CLN6: variants seen among roughly 807,000 people sequenced by gnomAD.
CLN6 encodes the protein CLN6 transmembrane ER protein, also known as ceroid-lipofuscinosis neuronal protein 6.
A neutral mutation model predicts 33.3 loss-of-function variants in CLN6; 22 were observed. The observed-to-expected ratio is 0.66, with a 90% CI of 0.47 to 0.94. The LOEUF is 0.94. Among genes scored for constraint, CLN6 ranks in the 40% least tolerant of loss-of-function variants. CLN6 has a pLI of 0.00. For missense variants in CLN6, 387 were observed against 417.1 expected (o/e 0.93, Z 0.63); for synonymous variants, 201 against 174.6 (o/e 1.15, Z -1.19).
intron 1 of CLN6, among the ~76,000 whole-genome samples, chr15:68,249,199 G>A (rs1892354345): frequency 1.3e-5 from 2 of 152,182 alleles, no homozygotes; most frequent in African/African-American, 4.8e-5. Flanking sequence ...GTGGAGAAAG[G>A]GGAACTCTCA....
chr15:68,211,589 G>A lies in CLN6; in HGVS notation c.486+86C>T, dbSNP rs1184592780. 19 of 1,603,032 alleles carry A rather than the reference G, an allele frequency of 1.2e-5. No individual in the cohort carries two copies. Among genetic ancestry groups the A allele is most frequent in the Middle Eastern group, 1.6e-4 (1 of 6,082 alleles). The stretch of plus-strand genomic sequence containing the variant: ...ATGCCTTTGGTGAAAGGACAGGTGC[G>A]GCGAGGGGTGGGGGCCATTTCTTCA... On this transcript the variant is annotated intron_variant, in intron 4 of 6. Transcript: ENST00000249806. The surrounding 1 kb of genome is among the most constrained non-coding windows in gnomAD (Gnocchi z 5.9).
At position 68,214,307 on chromosome 15, in the gene CLN6, G is replaced by A. The variant is rs1480231606; in HGVS notation, c.280C>T (p.Pro94Ser). 1.2e-6 allele frequency: 2 copies of A among 1,613,592 alleles called. No individual in the cohort carries two copies. Among genetic ancestry groups the A allele is most frequent in the Non-Finnish European group, 1.7e-6 (2 of 1,179,494 alleles). Residue 94 changes from proline (P) to serine (S), a missense_variant, in exon 3 of 7, where the codon CCC (proline) becomes TCC (serine). Physicochemically the swap from Pro to Ser is moderately conservative, Grantham distance 74 (BLOSUM62 -1). Transcript: ENST00000249806. ...GACAGTACCTTGAGCAAGAGAAAGG[G>A]CGTGATGACGTTGTAGGCCATGTGG... ...YFHMAYNVIT[P>S]FLLLKLIERS...
chr15:68,231,475 C>T (rs1055375433), upstream of CLN6, among the ~76,000 whole-genome samples: 1 of 152,242 alleles, frequency 6.6e-6, no homozygotes, highest in Non-Finnish European at 1.5e-5. Context: ...TGAATCTGAT[C>T]TACACATCGA....
Position 68,214,284 on chromosome 15 carries a change from C to T in CLN6, c.297+6G>A. 2.5e-6 allele frequency: 4 copies of T among 1,606,332 alleles called. No homozygotes were observed. Among genetic ancestry groups the T allele is most frequent in the Non-Finnish European group, 3.4e-6 (4 of 1,173,010 alleles). On this transcript the variant is annotated splice_donor_region_variant and intron_variant, in intron 3 of 6. Coordinates refer to ENST00000249806, the MANE Select transcript of CLN6 (RefSeq NM_017882.3). ...ACAGGAGAGAGTGGGGGCCCTGGGA[C>T]AGTACCTTGAGCAAGAGAAAGGGCG...
rs1892225385 is a variant in CLN6, at chr15:68,236,994, A to G, written c.180-18344T>C. On this transcript the variant is annotated intron_variant, in intron 1 of 6. Coordinates refer to the CLN6 transcript ENST00000538696. This position sits in a 1 kb window ranked among gnomAD's most constrained non-coding sequence, Gnocchi z 4.5. ...AACAAGGTGAAACCCCGTCTCTACT[A>G]AAAATACAAAAAATTAGCCGGGCGC... Among the ~76,000 whole-genome samples the G allele has an allele frequency of 6.6e-6, 1 of 150,676 alleles. No homozygotes were observed. The highest frequency in any genetic ancestry group is 1.5e-5 in the Non-Finnish European group (1 of 67,732).
upstream of CLN6, chr15:68,229,786 G>GGGCGGAGCGGAGGGAGGCGT: frequency 2.8e-6 from 1 of 356,162 alleles, no homozygotes; most frequent in Non-Finnish European, 4.9e-6. Context: ...GAGGGAGGCG[G>GGGCGGAGCGGAGGGAGGCGT]GGCGGAGGGA....
rs1299354331 is a variant in CLN6, at chr15:68,229,508, T to C, written c.77A>G (p.Gln26Arg). 6.8e-7 allele frequency: 1 copy of C among 1,466,152 alleles called. No individual in the cohort carries two copies. Among genetic ancestry groups the C allele is most frequent in the Non-Finnish European group, 9.0e-7 (1 of 1,113,834 alleles). 90.8% of individuals were successfully genotyped at this position (1,466,152 alleles called of 1,614,324 possible). A position where few individuals can be genotyped will look rare whatever the true frequency, so the allele number is the denominator to read the frequency against. Residue 26 changes from glutamine (Q) to arginine (R), a missense_variant, in exon 1 of 7, where the codon CAG becomes CGG. By Grantham distance (43) the Gln-to-Arg change is conservative (BLOSUM62 1). Coordinates refer to ENST00000249806, the MANE Select transcript of CLN6 (RefSeq NM_017882.3). ...CACCCCGGCGCGCGCCCACCTGGCCTGCAGGAAGGAGGCGCCCAGCTGCGC... is the reference window on the plus strand; with the variant it reads ...CACCCCGGCGCGCGCCCACCTGGCCCGCAGGAAGGAGGCGCCCAGCTGCGC... ...PGAQLGASFL[Q>R]ARHGSVSADE...
intron 2 of CLN6, among the ~76,000 whole-genome samples, chr15:68,217,721 C>G (rs2093224291): frequency 6.6e-6 from 1 of 152,146 alleles, no homozygotes; most frequent in African/African-American, 2.4e-5. Flanking sequence ...TGTGGCCCGT[C>G]AGGCAACTGT....
At chr15:68,216,084 C>G (rs956129708) in intron 2 of CLN6, among the ~76,000 whole-genome samples, 1 of 152,228 alleles carries the variant, frequency 6.6e-6, no homozygotes, top group Admixed American at 6.5e-5. Flanking sequence ...CCAAGTCCTA[C>G]TTAGGGTTAC....
intron 1 of CLN6, among the ~76,000 whole-genome samples, chr15:68,252,878 T>A (rs949308077): frequency 3.3e-5 from 5 of 152,210 alleles, no homozygotes; most frequent in African/African-American, 9.6e-5. Context: ...TACATATTTT[T>A]AAAAATCAAG....
chr15:68,234,368 T>C (rs1892196896), upstream of CLN6, among the ~76,000 whole-genome samples: 1 of 152,220 alleles, frequency 6.6e-6, no homozygotes, highest in Admixed American at 6.5e-5. The surrounding 1 kb of genome is among the most constrained non-coding windows in gnomAD (Gnocchi z 4.1). Flanking sequence ...CTTGAGCCAG[T>C]GCCCACCCTG....
At position 68,209,520 on chromosome 15, in the gene CLN6, C is replaced by T; in HGVS notation, c.665+117G>A. ...CACTAGACACAAGAAGAAGCACGGGCCCAAAGAGGGCCAGTCTCCCTGGGG... is the reference window on the plus strand; with the variant it reads ...CACTAGACACAAGAAGAAGCACGGGTCCAAAGAGGGCCAGTCTCCCTGGGG... On this transcript the variant is annotated intron_variant, in intron 6 of 6. Coordinates refer to ENST00000249806, the MANE Select transcript of CLN6 (RefSeq NM_017882.3). The surrounding 1 kb of genome is among the most constrained non-coding windows in gnomAD (Gnocchi z 4.9). 7.1e-7 allele frequency: 1 copy of T among 1,416,596 alleles called. No individual in the cohort carries two copies. Among genetic ancestry groups the T allele is most frequent in the Non-Finnish European group, 9.8e-7 (1 of 1,017,696 alleles). 87.8% of individuals were successfully genotyped at this position (1,416,596 alleles called of 1,614,324 possible). A position where few individuals can be genotyped will look rare whatever the true frequency, so the allele number is the denominator to read the frequency against.
chr15:68,211,667 G>A lies in CLN6; in HGVS notation c.486+8C>T, dbSNP rs149692285. ...GGCTTACAGGCAGGGAGCAGGAGGT[G>A]GCCTCACCAGCGTCTCCGGCTTGAG... On this transcript the variant is annotated splice_region_variant and intron_variant, in intron 4 of 6. Transcript: ENST00000249806. This position sits in a 1 kb window ranked among gnomAD's most constrained non-coding sequence, Gnocchi z 5.9. 0.015 allele frequency: 24,202 copies of A among 1,613,206 alleles called. 204 individuals are homozygous for A. Among genetic ancestry groups the A allele is most frequent in the Non-Finnish European group, 0.017 (20,314 of 1,179,990 alleles).
At chr15:68,253,165 A>G (rs145925517) in intron 1 of CLN6, among the ~76,000 whole-genome samples, 13 of 152,352 alleles carry the variant, frequency 8.5e-5, no homozygotes, top group South Asian at 2.1e-4. Flanking sequence ...GTGTAAATGG[A>G]CATGTACCTA....
chr15:68,238,634 T>C (rs1892250648), intron 1 of CLN6, among the ~76,000 whole-genome samples: 1 of 152,158 alleles, frequency 6.6e-6, no homozygotes, highest in South Asian at 2.1e-4. Context: ...CTTTCAAAAA[T>C]GCATGTAAAA....
intron 1 of CLN6, among the ~76,000 whole-genome samples, chr15:68,255,519 C>G (rs1471793017): frequency 4.6e-5 from 7 of 152,222 alleles, no homozygotes. Flanking sequence ...CAACCTCACT[C>G]TAAACTTTCC....
intron 2 of CLN6, among the ~76,000 whole-genome samples, chr15:68,216,028 GAAAA>G (rs2093219669): frequency 6.6e-6 from 1 of 152,122 alleles, no homozygotes; most frequent in Non-Finnish European, 1.5e-5. Flanking sequence ...GCATACATTT[GAAAA>G]TCTCTAGCGT....
At chr15:68,215,446 A>G (rs1391942193) in intron 2 of CLN6, 1 of 152,226 alleles carries the variant, frequency 6.6e-6, no homozygotes, top group Non-Finnish European at 1.5e-5. Flanking sequence ...TTAAGTAGCC[A>G]TTAACAGAAA....
At chr15:68,238,516 A>G (rs1427978689) in intron 1 of CLN6, among the ~76,000 whole-genome samples, 1 of 152,242 alleles carries the variant, frequency 6.6e-6, no homozygotes, top group Non-Finnish European at 1.5e-5. Context: ...CTTGTTTACA[A>G]AGAAACAAAA....
Sources: gnomAD v4.1 joint callset for allele counts (sites outside exome capture counted in the v4.1 genomes callset) on GRCh38, gnomAD v4.1.1 for gene constraint, Gnocchi (gnomAD v3.1) non-coding constraint, MANE v1.5 for transcripts, NCBI Gene and HGNC (gene_info 2026-07-23, HGNC 2026-07-21) for gene names.